Variants in ABTB3 observed in about 807,000 individuals in gnomAD.
ABTB3 encodes ankyrin repeat- and BTB/POZ domain-containing protein 3.
At chr12:107,459,362 G>A in the ABTB3 span, among the ~76,000 whole-genome samples, 1 of 152,308 alleles carries the variant, frequency 6.6e-6, no homozygotes, top group Non-Finnish European at 1.5e-5. Context: ...TATTTACTGA[G>A]TGCCAGCTAC....
At chr12:107,440,551 C>A in the ABTB3 span, among the ~76,000 whole-genome samples, 1 of 152,210 alleles carries the variant, frequency 6.6e-6, no homozygotes, top group African/African-American at 2.4e-5. Context: ...GTGAGCCCAG[C>A]CTTGATTAGT....
chr12:107,556,095 ATTTTTT>A, the ABTB3 span, among the ~76,000 whole-genome samples: 1 of 139,506 alleles, frequency 7.2e-6, no homozygotes, highest in Non-Finnish European at 1.6e-5. Context: ...GTCAGCATCA[ATTTTTT>A]TTTTTTTTTT....
chr12:107,645,902 C>T, the ABTB3 span, among the ~76,000 whole-genome samples: 1 of 152,136 alleles, frequency 6.6e-6, no homozygotes, highest in Non-Finnish European at 1.5e-5. Flanking sequence ...TCCGTGTGCC[C>T]GCCCTTTCCC....
the ABTB3 span, among the ~76,000 whole-genome samples, chr12:107,427,192 T>G: frequency 6.6e-6 from 1 of 152,188 alleles, no homozygotes; most frequent in East Asian, 1.9e-4. Context: ...TAGAGGCTGC[T>G]GGCATTCCTT....
the ABTB3 span, among the ~76,000 whole-genome samples, chr12:107,340,601 G>T: frequency 3.3e-5 from 5 of 149,836 alleles, no homozygotes; most frequent in African/African-American, 1.2e-4. Flanking sequence ...GTGACTCCTC[G>T]TTTTTTTTTC....
chr12:107,611,001 C>T, the ABTB3 span, among the ~76,000 whole-genome samples: 1 of 152,148 alleles, frequency 6.6e-6, no homozygotes, highest in African/African-American at 2.4e-5. Flanking sequence ...CACATGGCAG[C>T]TCATGCAGTG....
the ABTB3 span, among the ~76,000 whole-genome samples, chr12:107,415,761 CAG>C: frequency 0.096 from 14,551 of 151,820 alleles, 1,534 homozygotes; most frequent in East Asian, 0.41. Context: ...TACTGAGACT[CAG>C]AGGGATTAGA....
the ABTB3 span, among the ~76,000 whole-genome samples, chr12:107,558,956 A>G: frequency 3.9e-5 from 6 of 152,124 alleles, no homozygotes; most frequent in Admixed American, 1.3e-4. Context: ...GTGGGGCCCC[A>G]TGACTGCTCT....
At chr12:107,607,959 T>G in the ABTB3 span, among the ~76,000 whole-genome samples, 1 of 151,996 alleles carries the variant, frequency 6.6e-6, no homozygotes, top group African/African-American at 2.4e-5. Context: ...CCTCACAAAT[T>G]TCACCCTTAC....
the ABTB3 span, among the ~76,000 whole-genome samples, chr12:107,602,819 G>A: frequency 6.6e-6 from 1 of 152,186 alleles, no homozygotes; most frequent in Non-Finnish European, 1.5e-5. Flanking sequence ...TCCCAAGAGA[G>A]AGAAAGCAAC....
the ABTB3 span, among the ~76,000 whole-genome samples, chr12:107,345,035 C>A: frequency 1.3e-5 from 2 of 152,162 alleles, no homozygotes; most frequent in Non-Finnish European, 2.9e-5. Context: ...CCAGCCTAGT[C>A]CTTCATCCAG....
the ABTB3 span, among the ~76,000 whole-genome samples, chr12:107,323,330 T>C: frequency 8.5e-5 from 13 of 152,208 alleles, no homozygotes; most frequent in African/African-American, 3.1e-4. Context: ...ACCTTTCTAA[T>C]TTGCTGCTGC....
At chr12:107,436,284 G>A in the ABTB3 span, among the ~76,000 whole-genome samples, 16 of 152,324 alleles carry the variant, frequency 1.1e-4, no homozygotes, top group Admixed American at 7.8e-4. Context: ...CCGCCATCCC[G>A]GTCGCATGCA....
the ABTB3 span, among the ~76,000 whole-genome samples, chr12:107,614,033 T>C: frequency 6.6e-6 from 1 of 152,088 alleles, no homozygotes; most frequent in East Asian, 1.9e-4. Flanking sequence ...TCCTCAGCAT[T>C]GGGTTCTGGA....
chr12:107,329,539 T>C, the ABTB3 span, among the ~76,000 whole-genome samples: 1 of 152,238 alleles, frequency 6.6e-6, no homozygotes, highest in South Asian at 2.1e-4. Flanking sequence ...AAAGAACTGC[T>C]CCCTGGATGC....
At chr12:107,374,110 G>C in the ABTB3 span, among the ~76,000 whole-genome samples, 1 of 152,158 alleles carries the variant, frequency 6.6e-6, no homozygotes, top group African/African-American at 2.4e-5. Flanking sequence ...CAGGGAAGGG[G>C]GCTGGGGGCA....
the ABTB3 span, among the ~76,000 whole-genome samples, chr12:107,403,066 C>T: frequency 2.0e-5 from 3 of 152,202 alleles, no homozygotes; most frequent in Non-Finnish European, 4.4e-5. Flanking sequence ...TCCCACAGGC[C>T]TCGGACCCAA....
the ABTB3 span, among the ~76,000 whole-genome samples, chr12:107,446,434 T>C: frequency 1.3e-5 from 2 of 152,280 alleles, no homozygotes; most frequent in East Asian, 3.9e-4. Flanking sequence ...ACCAGGCACA[T>C]TTTTGGTCAG....
At chr12:107,623,305 C>T in the ABTB3 span, among the ~76,000 whole-genome samples, 1 of 151,456 alleles carries the variant, frequency 6.6e-6, no homozygotes, top group Admixed American at 6.6e-5. Flanking sequence ...GTGATCTGCC[C>T]ACCTCAGCCT....
Sources: allele counts gnomAD v4.1 joint callset (sites outside exome capture counted in the v4.1 genomes callset), GRCh38; gene constraint gnomAD v4.1.1; transcripts MANE v1.5; gene names NCBI Gene and HGNC (gene_info 2026-07-23, HGNC 2026-07-21).